PIEZO2: variants seen among roughly 807,000 people sequenced by gnomAD.
PIEZO2 encodes the protein piezo type mechanosensitive ion channel component 2.
In PIEZO2, 172 loss-of-function variants were observed where a neutral mutation model predicts 337.3. The ratio of observed to expected loss-of-function variants is 0.51; its 90% CI spans 0.45 to 0.58. The LOEUF is 0.58. Ranked by LOEUF, PIEZO2 falls within the 20% of genes least tolerant of loss-of-function variation. PIEZO2 has a pLI of 0.00. For synonymous variants in PIEZO2, 1,251 were observed against 1,228.5 expected, an observed-to-expected ratio of 1.02 and a Z score of -0.38; for missense variants, 3,028 against 3,391.3, an observed-to-expected ratio of 0.89 and a Z score of 2.66.
In PIEZO2 at chr18:10,895,214, G is replaced by A. The variant is rs1365164117; in HGVS notation, c.329+15972C>T. On this transcript the variant is annotated intron_variant, in intron 4 of 55. Transcript: ENST00000674853. This position sits in a 1 kb window ranked among gnomAD's most constrained non-coding sequence, Gnocchi z 4.8. ...TAATCCCAGCATTTTGGGAGGCCAA[G>A]GTGGGTGGATCACTTGAGGTCAGGA... 6.6e-6 allele frequency among the ~76,000 whole-genome samples: 1 copy of A among 152,188 alleles called. No homozygotes were observed. Among genetic ancestry groups the A allele is most frequent in the African/African-American group, 2.4e-5 (1 of 41,450 alleles).
At chr18:10,778,419 G>A (rs929159800) in intron 18 of PIEZO2, among the ~76,000 whole-genome samples, 5 of 146,790 alleles carry the variant, frequency 3.4e-5, no homozygotes, top group South Asian at 2.1e-4. Context: ...TGCAAGCTCT[G>A]CCTCCCAGGT....
At position 10,807,034 on chromosome 18, in the gene PIEZO2, A is replaced by C. The variant is rs1457393816; in HGVS notation, c.1080+78T>G. On this transcript the variant is annotated intron_variant, in intron 8 of 55. Coordinates refer to ENST00000674853, the MANE Select transcript of PIEZO2 (RefSeq NM_001378183.1). Reference sequence around the variant, plus strand: ...GAATAGAGTATCGATTAGTCAGTAGAGAACAGGAGTGAATCATTTCACGTG... The same window carrying C: ...GAATAGAGTATCGATTAGTCAGTAGCGAACAGGAGTGAATCATTTCACGTG... The C allele has an allele frequency of 1.4e-5, 19 of 1,371,816 alleles. No individual in the cohort carries two copies. The Admixed American group carries it at 4.2e-4, about 30-fold the overall frequency. 85.0% of individuals were successfully genotyped at this position (1,371,816 alleles called of 1,614,324 possible). A position where few individuals can be genotyped will look rare whatever the true frequency, so the allele number is the denominator to read the frequency against.
rs1042265509 is a variant in PIEZO2 at position 10,759,042 on chromosome 18, T to C, written c.3757+440A>G. Among the ~76,000 whole-genome samples, 8 of 152,228 alleles carry C rather than the reference T, an allele frequency of 5.3e-5. No individual in the cohort carries two copies. The highest frequency in any genetic ancestry group is 2.9e-5 in the Non-Finnish European group (2 of 68,042). ...AGCTGCCATGGGAAGGCCTTGGGGCTGCAGCCCAATTCTAGAGCAACTAAA... is the reference window on the plus strand; with the variant it reads ...AGCTGCCATGGGAAGGCCTTGGGGCCGCAGCCCAATTCTAGAGCAACTAAA... On this transcript the variant is annotated intron_variant, in intron 26 of 55. Transcript: ENST00000674853. This position sits in a 1 kb window ranked among gnomAD's most constrained non-coding sequence, Gnocchi z 5.5.
chr18:11,098,994 G>A (rs919926357), intron 1 of PIEZO2, among the ~76,000 whole-genome samples: 3 of 145,374 alleles, frequency 2.1e-5, no homozygotes, highest in Non-Finnish European at 4.5e-5. Flanking sequence ...TTGTAGAGAT[G>A]GAGTCTCCCT....
intron 3 of PIEZO2, among the ~76,000 whole-genome samples, chr18:10,970,674 AC>A (rs2034203072): frequency 7.0e-6 from 1 of 143,098 alleles, no homozygotes; most frequent in Non-Finnish European, 1.5e-5. Context: ...ACACACACAC[AC>A]ACACACACAC....
At chr18:10,780,557 A>G (rs2038943997) in intron 17 of PIEZO2, among the ~76,000 whole-genome samples, 191 bp from the exon 18 acceptor site, 1 of 152,210 alleles carries the variant, frequency 6.6e-6, no homozygotes, top group South Asian at 2.1e-4. Context: ...ACATTAAATC[A>G]GACAATGTTC....
chr18:10,946,026 G>C (rs1203785444), intron 3 of PIEZO2, among the ~76,000 whole-genome samples: 1 of 152,156 alleles, frequency 6.6e-6, no homozygotes, highest in African/African-American at 2.4e-5. Context: ...GTGACTCCAA[G>C]TGGCACAGTA....
At chr18:10,797,170 A>C (rs1420522043) in intron 12 of PIEZO2, among the ~76,000 whole-genome samples, 1 of 151,708 alleles carries the variant, frequency 6.6e-6, no homozygotes, top group African/African-American at 2.4e-5. Context: ...ATATCATCAT[A>C]TTATACCTAC....
intron 3 of PIEZO2, among the ~76,000 whole-genome samples, chr18:10,921,225 C>T (rs966757384): frequency 6.6e-6 from 1 of 151,832 alleles, no homozygotes; most frequent in Admixed American, 6.6e-5. Context: ...GATAAGGTGA[C>T]GGAGCAGTGA....
Position 10,726,669 on chromosome 18 carries a change from G to C in PIEZO2, c.5029+4738C>G, listed in dbSNP as rs1206520432. The C allele has an allele frequency of 1.4e-6, 2 of 1,425,504 alleles. No individual in the cohort carries two copies. Among genetic ancestry groups the C allele is most frequent in the Admixed American group, 2.0e-5 (1 of 48,996 alleles). 88.3% of individuals were successfully genotyped at this position (1,425,504 alleles called of 1,614,324 possible). A position where few individuals can be genotyped will look rare whatever the true frequency, so the allele number is the denominator to read the frequency against. On this transcript the variant is annotated intron_variant, in intron 36 of 55. Transcript: ENST00000674853. This position sits in a 1 kb window ranked among gnomAD's most constrained non-coding sequence, Gnocchi z 5.9. ...CCAAGCGCGGCCAGACAGACACCTCGCTGCCAAGTTAATTCAGCAAGGACC... is the reference window on the plus strand; with the variant it reads ...CCAAGCGCGGCCAGACAGACACCTCCCTGCCAAGTTAATTCAGCAAGGACC...
At chr18:10,869,751 T>C (rs1003453871) in intron 5 of PIEZO2, among the ~76,000 whole-genome samples, 3 of 152,232 alleles carry the variant, frequency 2.0e-5, no homozygotes, top group Admixed American at 2.0e-4. Context: ...ATGTAAGTGG[T>C]TAGTAGTGAC....
At chr18:10,947,714 ACAT>A (rs1313000250) in intron 3 of PIEZO2, among the ~76,000 whole-genome samples, 1 of 152,228 alleles carries the variant, frequency 6.6e-6, no homozygotes, top group Non-Finnish European at 1.5e-5. Context: ...GATAGTTTAT[ACAT>A]TAAGTAAATC....
intron 52 of PIEZO2, among the ~76,000 whole-genome samples, chr18:10,679,855 T>C (rs1219548253): frequency 6.6e-6 from 1 of 152,174 alleles, no homozygotes; most frequent in Non-Finnish European, 1.5e-5. Context: ...GTTTCACCAA[T>C]TGTACATTAA....
chr18:10,843,592 C>T (rs150086726), intron 7 of PIEZO2, among the ~76,000 whole-genome samples: 1 of 152,102 alleles, frequency 6.6e-6, no homozygotes, highest in Non-Finnish European at 1.5e-5. Flanking sequence ...GTGAACCATG[C>T]CTAATCTTTA....
chr18:10,883,580 T>A (rs1325002928), intron 4 of PIEZO2, among the ~76,000 whole-genome samples: 4 of 152,176 alleles, frequency 2.6e-5, no homozygotes, highest in Non-Finnish European at 1.5e-5. Context: ...AACACAGACA[T>A]CATCTCACAT....
At chr18:10,736,417 A>G (rs970757358) in intron 34 of PIEZO2, among the ~76,000 whole-genome samples, 187 bp downstream of exon 34, 1 of 152,194 alleles carries the variant, frequency 6.6e-6, no homozygotes, top group African/African-American at 2.4e-5. Flanking sequence ...CTTGATACTA[A>G]TTACGGTGTT....
rs1366034298 is a variant in PIEZO2, at chr18:11,132,248, T to C, written c.64+16277A>G. 6.6e-6 allele frequency among the ~76,000 whole-genome samples: 1 copy of C among 152,190 alleles called. No individual in the cohort carries two copies. The highest frequency in any genetic ancestry group is 1.5e-5 in the Non-Finnish European group (1 of 68,020). On this transcript the variant is annotated intron_variant, in intron 1 of 55. Transcript: ENST00000674853. This position sits in a 1 kb window ranked among gnomAD's most constrained non-coding sequence, Gnocchi z 4.7. ...TCACAGAATGCCTTATCCACCAACA[T>C]GGTATTCCACACCGCATTGCCTCTG...
chr18:10,838,228 C>T (rs9946377), intron 7 of PIEZO2, among the ~76,000 whole-genome samples: 2,964 of 152,288 alleles, frequency 0.019, 99 homozygotes, highest in African/African-American at 0.068. Flanking sequence ...TTTTCCCACC[C>T]TACCCCCTGC....
At chr18:11,041,634 C>A (rs988489568) in intron 2 of PIEZO2, among the ~76,000 whole-genome samples, 2 of 152,200 alleles carry the variant, frequency 1.3e-5, no homozygotes, top group Admixed American at 1.3e-4. Flanking sequence ...GTTTACACTA[C>A]ATTTTTTCAT....
Sources: gnomAD v4.1 joint callset for allele counts (sites outside exome capture counted in the v4.1 genomes callset) on GRCh38, gnomAD v4.1.1 for gene constraint, Gnocchi (gnomAD v3.1) non-coding constraint, MANE v1.5 for transcripts, NCBI Gene and HGNC (gene_info 2026-07-23, HGNC 2026-07-21) for gene names.